The following CSMD1 variants were observed in gnomAD, a reference collection of about 807,000 sequenced individuals.
CSMD1 encodes CUB and Sushi multiple domains 1.
A neutral mutation model predicts 417.5 loss-of-function variants in CSMD1; 213 were observed. That is an observed-to-expected ratio of 0.51 (90% CI 0.46 to 0.57). The LOEUF (loss-of-function observed/expected upper bound fraction) is 0.57, where lower values mean the gene tolerates loss of function less well. CSMD1 is among the 20% of genes least tolerant of loss of function. The pLI is 0.00. For missense variants in CSMD1, 6,923 were observed against 4,529.7 expected (o/e 1.53, Z -15.17); for synonymous variants, 2,862 against 1,736.8 (o/e 1.65, Z -16.11).
chr8:3,248,710 A>T (rs1800059562), intron 26 of CSMD1, among the ~76,000 whole-genome samples: 1 of 151,768 alleles, frequency 6.6e-6, no homozygotes, highest in African/African-American at 2.4e-5. Flanking sequence ...AATTTCTATT[A>T]TTTACTGCCA....
chr8:3,300,504 ACT>A (rs1329649812), intron 25 of CSMD1, among the ~76,000 whole-genome samples: 8 of 152,084 alleles, frequency 5.3e-5, no homozygotes, highest in Non-Finnish European at 1.2e-4. Context: ...GAAATGACTG[ACT>A]CTGCTTTATA....
At chr8:4,980,211 G>C (rs73179222) in intron 1 of CSMD1, among the ~76,000 whole-genome samples, 1 of 152,030 alleles carries the variant, frequency 6.6e-6, no homozygotes, top group African/African-American at 2.4e-5. Context: ...CCTGAGCTTC[G>C]AGGTTGGATA....
intron 3 of CSMD1, among the ~76,000 whole-genome samples, chr8:4,259,969 T>G (rs750823096): frequency 6.6e-6 from 1 of 152,220 alleles, no homozygotes; most frequent in African/African-American, 2.4e-5. Context: ...TTCTAGTTTT[T>G]CACTATTGAT....
chr8:4,629,786 A>G (rs1192860092), intron 2 of CSMD1, among the ~76,000 whole-genome samples: 2 of 152,214 alleles, frequency 1.3e-5, no homozygotes, highest in South Asian at 2.1e-4. Flanking sequence ...TCAGATTTTC[A>G]TGACCAAATC....
Position 4,837,417 on chromosome 8 carries a change from A to C in CSMD1, c.85+156915T>G, listed in dbSNP as rs141058037. 4.9e-3 allele frequency among the ~76,000 whole-genome samples: 742 copies of C among 152,352 alleles called. 6 individuals are homozygous for C. The highest frequency in any genetic ancestry group is 0.017 in the African/African-American group (691 of 41,578). ...CATGGAGTACTATTCAACCATAAAA[A>C]GAATGAGATTCTATCATTTGCAACA... On this transcript the variant is annotated intron_variant, in intron 1 of 69. Coordinates refer to ENST00000635120, the MANE Select transcript of CSMD1 (RefSeq NM_033225.6).
chr8:3,576,268 A>AAATAATAATAATAATAATAAT (rs60673988), intron 9 of CSMD1, among the ~76,000 whole-genome samples: 2 of 147,704 alleles, frequency 1.4e-5, no homozygotes, highest in African/African-American at 5.0e-5. Flanking sequence ...ATGCATGTCA[A>AAATAATAATAATAATAATAAT]AATAATAATA....
chr8:3,986,235 G>T (rs1238740678), intron 5 of CSMD1, among the ~76,000 whole-genome samples: 10 of 152,108 alleles, frequency 6.6e-5, no homozygotes, highest in African/African-American at 2.4e-4. Flanking sequence ...TGGAGGAAGA[G>T]CTTTATAACT....
intron 26 of CSMD1, among the ~76,000 whole-genome samples, chr8:3,260,386 G>C (rs145139097): frequency 1.5e-3 from 230 of 151,700 alleles, no homozygotes; most frequent in African/African-American, 5.0e-3. Context: ...TTCAGTGGCC[G>C]AACAGGTTTG....
intron 1 of CSMD1, among the ~76,000 whole-genome samples, chr8:4,718,967 T>C (rs1289328409): frequency 1.3e-5 from 2 of 152,122 alleles, no homozygotes; most frequent in African/African-American, 4.8e-5. Flanking sequence ...GTTCATTATA[T>C]ATTGATATGA....
chr8:4,395,538 T>TC (rs202051248), intron 3 of CSMD1, among the ~76,000 whole-genome samples: 1,869 of 152,120 alleles, frequency 0.012, 20 homozygotes, highest in Non-Finnish European at 0.02. Flanking sequence ...TGTTTTTTTT[T>TC]TGCCTGTCGT....
chr8:4,236,998 A>G (rs573566760), intron 3 of CSMD1, among the ~76,000 whole-genome samples: 1 of 152,330 alleles, frequency 6.6e-6, no homozygotes, highest in Non-Finnish European at 1.5e-5. Context: ...CACACACACA[A>G]GATCTTAAAT....
At chr8:3,240,156 C>G (rs7838915) in intron 26 of CSMD1, among the ~76,000 whole-genome samples, 100,363 of 151,882 alleles carry the variant, frequency 0.66, 33,667 homozygotes, top group South Asian at 0.79. Flanking sequence ...AAAGGCTACT[C>G]GGTGCGGTCC....
At chr8:3,777,703 T>A (rs181034103) in intron 5 of CSMD1, among the ~76,000 whole-genome samples, 1 of 152,186 alleles carries the variant, frequency 6.6e-6, no homozygotes, top group Non-Finnish European at 1.5e-5. Context: ...ACCTGCGGCC[T>A]CCTTCAGATG....
At chr8:3,586,841 C>G (rs1229239272) in intron 8 of CSMD1, among the ~76,000 whole-genome samples, 2 of 152,088 alleles carry the variant, frequency 1.3e-5, no homozygotes, top group Admixed American at 1.3e-4. Flanking sequence ...ACACTGTCAC[C>G]CAGGCTGGAG....
chr8:3,800,470 C>G (rs1247479724), intron 5 of CSMD1, among the ~76,000 whole-genome samples: 1 of 152,114 alleles, frequency 6.6e-6, no homozygotes, highest in African/African-American at 2.4e-5. Flanking sequence ...AACTGGATAT[C>G]CACATGCAAA....
chr8:3,578,952 A>T (rs1800265843), intron 9 of CSMD1, among the ~76,000 whole-genome samples: 1 of 152,214 alleles, frequency 6.6e-6, no homozygotes, highest in Non-Finnish European at 1.5e-5. Context: ...CGTTTACACA[A>T]ACTATAGTAG....
At chr8:4,147,029 C>T (rs567723715) in intron 3 of CSMD1, among the ~76,000 whole-genome samples, 6 of 151,944 alleles carry the variant, frequency 3.9e-5, no homozygotes, top group East Asian at 1.9e-4. Flanking sequence ...AGTCAGAGAT[C>T]GGGGGTTTTC....
At chr8:3,764,739 C>CTTTTTTTTTTTTTTTTTTTTT (rs66603480) in intron 5 of CSMD1, among the ~76,000 whole-genome samples, 2 of 129,788 alleles carry the variant, frequency 1.5e-5, no homozygotes, top group African/African-American at 2.9e-5. Flanking sequence ...TTTTCTCTTT[C>CTTTTTTTTTTTTTTTTTTTTT]TTTTTTTTTT....
intron 3 of CSMD1, among the ~76,000 whole-genome samples, chr8:4,036,882 T>C (rs1452882643): frequency 6.6e-6 from 1 of 152,190 alleles, no homozygotes; most frequent in Admixed American, 6.5e-5. Flanking sequence ...GTTTCCTCCA[T>C]ATCCCAAAGA....
Sources: gnomAD v4.1 joint callset for allele counts (sites outside exome capture counted in the v4.1 genomes callset) on GRCh38, gnomAD v4.1.1 for gene constraint, MANE v1.5 for transcripts, NCBI Gene and HGNC (gene_info 2026-07-23, HGNC 2026-07-21) for gene names.